The following FOCAD variants were observed in gnomAD, a reference collection of about 807,000 sequenced individuals.
FOCAD encodes KIAA1797.
In FOCAD, 198 loss-of-function variants were observed where a neutral mutation model predicts 225.6. The observed-to-expected ratio is 0.88, with a 90% CI of 0.78 to 0.99. FOCAD has a LOEUF of 0.99. Ranked by LOEUF, FOCAD falls within the 50% of genes least tolerant of loss-of-function variation. FOCAD has a pLI of 0.00. For missense variants in FOCAD, 2,713 were observed against 2,123.6 expected (o/e 1.28, Z -5.46); for synonymous variants, 897 against 755.0 (o/e 1.19, Z -3.08).
chr9:20,747,228 G>T (rs2131709549), intron 5 of FOCAD, among the ~76,000 whole-genome samples: 1 of 152,154 alleles, frequency 6.6e-6, no homozygotes, highest in South Asian at 2.1e-4. Context: ...ATAGCTATTT[G>T]GTTTAGAGGT....
intron 21 of FOCAD, among the ~76,000 whole-genome samples, chr9:20,896,746 T>C (rs528079876): frequency 4.7e-4 from 71 of 152,012 alleles, no homozygotes; most frequent in African/African-American, 1.6e-3. Context: ...TTTCTAAATT[T>C]GTTGAATTTG....
At chr9:20,834,286 C>G (rs1825784930) in intron 15 of FOCAD, among the ~76,000 whole-genome samples, 1 of 151,756 alleles carries the variant, frequency 6.6e-6, no homozygotes, top group African/African-American at 2.4e-5. Context: ...ACAACACACA[C>G]TGGGGTCTGT....
At chr9:20,850,586 A>G (rs1042818830) in intron 15 of FOCAD, among the ~76,000 whole-genome samples, 2 of 151,904 alleles carry the variant, frequency 1.3e-5, no homozygotes, top group Admixed American at 6.6e-5. Context: ...TTAAATGCCA[A>G]TTTACATGAT....
At chr9:20,677,659 T>C (rs550552430) in intron 2 of FOCAD, among the ~76,000 whole-genome samples, 1 of 149,132 alleles carries the variant, frequency 6.7e-6, no homozygotes. Context: ...CAATAAGATA[T>C]AACCTCAAAC....
At chr9:20,871,764 G>T (rs1166076075) in intron 18 of FOCAD, among the ~76,000 whole-genome samples, 4 of 118,140 alleles carry the variant, frequency 3.4e-5, no homozygotes, top group Non-Finnish European at 6.9e-5. Context: ...GTTGTGGGGT[G>T]GGGGGTGGGG....
chr9:20,856,253 A>C (rs1828171074), intron 15 of FOCAD, among the ~76,000 whole-genome samples: 1 of 151,964 alleles, frequency 6.6e-6, no homozygotes, highest in African/African-American at 2.4e-5. Flanking sequence ...CATTCTCACC[A>C]GCATTCATTA....
chr9:20,981,355 A>T, intron 37 of FOCAD, 71 bp from the exon 38 acceptor site: 1 of 1,509,016 alleles, frequency 6.6e-7, no homozygotes, highest in Non-Finnish European at 9.1e-7. Flanking sequence ...CACAGTGATG[A>T]TGTACAGGTT....
At chr9:20,756,290 T>G (rs1829042453) in intron 5 of FOCAD, among the ~76,000 whole-genome samples, 1 of 152,126 alleles carries the variant, frequency 6.6e-6, no homozygotes, top group South Asian at 2.1e-4. Context: ...CATGATAGGT[T>G]AGGTGAGGTT....
At chr9:20,802,826 C>A (rs905527709) in intron 11 of FOCAD, among the ~76,000 whole-genome samples, 1 of 152,118 alleles carries the variant, frequency 6.6e-6, no homozygotes, top group Non-Finnish European at 1.5e-5. Context: ...TGAATTTGCT[C>A]ATTTGCTTTA....
chr9:20,747,576 C>A, intron 5 of FOCAD, among the ~76,000 whole-genome samples: 1 of 152,084 alleles, frequency 6.6e-6, no homozygotes, highest in East Asian at 1.9e-4. Flanking sequence ...AAACCTCATA[C>A]CCGTTATCAG....
chr9:20,774,026 G>C (rs1290823920), intron 8 of FOCAD, among the ~76,000 whole-genome samples: 1 of 152,182 alleles, frequency 6.6e-6, no homozygotes, highest in Non-Finnish European at 1.5e-5. Flanking sequence ...ATTCTCACAG[G>C]AGCATGAACC....
At chr9:20,862,755 A>G in intron 16 of FOCAD, 43 bp downstream of exon 16, 2 of 1,585,060 alleles carry the variant, frequency 1.3e-6, no homozygotes, top group South Asian at 1.2e-5. Flanking sequence ...TCTTCATGGG[A>G]AAGATGTGTG....
chr9:20,690,982 G>C (rs182318413), intron 1 of FOCAD, among the ~76,000 whole-genome samples: 4 of 150,346 alleles, frequency 2.7e-5, no homozygotes, highest in Non-Finnish European at 4.4e-5. Context: ...TCACTCTGTC[G>C]ACCAGGCTGG....
At chr9:20,736,319 A>G (rs1827150945) in intron 4 of FOCAD, among the ~76,000 whole-genome samples, 1 of 152,166 alleles carries the variant, frequency 6.6e-6, no homozygotes, top group Non-Finnish European at 1.5e-5. Context: ...ATGTAAGTGC[A>G]GTGAAATTTT....
chr9:20,725,550 G>T (rs1826129324), intron 4 of FOCAD, among the ~76,000 whole-genome samples: 1 of 152,118 alleles, frequency 6.6e-6, no homozygotes, highest in South Asian at 2.1e-4. Flanking sequence ...TTGAAAGCGT[G>T]AAAGAAAGAT....
intron 1 of FOCAD, among the ~76,000 whole-genome samples, chr9:20,691,312 C>T (rs369960070): frequency 2.6e-5 from 4 of 152,102 alleles, no homozygotes; most frequent in East Asian, 3.9e-4. Context: ...TTTCCTCCTA[C>T]GTCATTGTCC....
intron 5 of FOCAD, among the ~76,000 whole-genome samples, chr9:20,752,299 G>T (rs952769891): frequency 4.6e-5 from 7 of 150,634 alleles, no homozygotes; most frequent in African/African-American, 1.7e-4. Context: ...TAGGTCTAAC[G>T]TTTAAGTCTT....
intron 4 of FOCAD, among the ~76,000 whole-genome samples, chr9:20,721,489 G>A (rs565812765): frequency 1.4e-4 from 22 of 152,130 alleles, no homozygotes; most frequent in East Asian, 1.4e-3. Context: ...ATCACCTGAC[G>A]TCAGGAGTTC....
chr9:20,807,319 T>C (rs1822564592), intron 11 of FOCAD, among the ~76,000 whole-genome samples: 1 of 152,244 alleles, frequency 6.6e-6, no homozygotes, highest in Admixed American at 6.5e-5. Flanking sequence ...AGACATTAAT[T>C]ATTATCTGTG....
Sources: gnomAD v4.1 joint callset for allele counts (sites outside exome capture counted in the v4.1 genomes callset) on GRCh38, gnomAD v4.1.1 for gene constraint, MANE v1.5 for transcripts, NCBI Gene and HGNC (gene_info 2026-07-23, HGNC 2026-07-21) for gene names.